Variants in SLC6A12 observed in about 807,000 individuals in gnomAD.
SLC6A12 encodes sodium- and chloride-dependent betaine transporter.
In SLC6A12, 50 loss-of-function variants were observed where a neutral mutation model predicts 73.3. The ratio of observed to expected loss-of-function variants is 0.68; its 90% CI spans 0.54 to 0.86. SLC6A12 has a LOEUF of 0.86. Ranked by LOEUF, SLC6A12 falls within the 40% of genes least tolerant of loss-of-function variation. SLC6A12 has a pLI of 0.00. For synonymous variants in SLC6A12, 304 were observed against 309.2 expected, an observed-to-expected ratio of 0.98 and a Z score of 0.18; for missense variants, 648 against 772.8, an observed-to-expected ratio of 0.84 and a Z score of 1.92.
At chr12:204,770 C>G (rs1168866029) in intron 3 of SLC6A12, 72 bp from the exon 4 acceptor site, 2 of 1,559,846 alleles carry the variant, frequency 1.3e-6, no homozygotes, top group Non-Finnish European at 1.7e-6. Flanking sequence ...TCAGACCCTC[C>G]TCCCCCAACA....
intron 11 of SLC6A12, 85 bp from the exon 12 acceptor site, chr12:196,346 C>G (rs1939865107): frequency 6.7e-7 from 1 of 1,483,642 alleles, no homozygotes. Context: ...CCTGGCTCAT[C>G]CACACTGATG....
In SLC6A12 at chr12:198,908, A is replaced by C; in HGVS notation, c.735T>G (p.Phe245Leu). 6.2e-7 allele frequency: 1 copy of C among 1,614,206 alleles called. No individual in the cohort carries two copies. Among genetic ancestry groups the C allele is most frequent in the Non-Finnish European group, 8.5e-7 (1 of 1,180,018 alleles). The change falls in exon 8 of 16, where the codon TTT becomes TTG. Residue 245 changes from phenylalanine (F) to leucine (L), a missense_variant. By Grantham distance (22) the Phe-to-Leu change is conservative. Coordinates refer to ENST00000684302, the MANE Select transcript of SLC6A12 (RefSeq NM_001122848.3). This position sits in a 1 kb window ranked among gnomAD's most constrained non-coding sequence, Gnocchi z 4.0. ...GCAAAATGACAAGCATCAGGTACGG[A>C]AACGTGGCTGTGAAATAAACCACCT... Reference protein sequence around the residue: ...TGKVVYFTATFPYLMLVILLI... With the variant: ...TGKVVYFTATLPYLMLVILLI...
downstream of SLC6A12, among the ~76,000 whole-genome samples, chr12:186,363 C>T (rs981159324): frequency 2.0e-5 from 3 of 152,192 alleles, no homozygotes; most frequent in Non-Finnish European, 4.4e-5. Context: ...GAACTGCAAG[C>T]AATTGGATCC....
chr12:197,947 G>A lies in SLC6A12; in HGVS notation c.903C>T (p.Cys301=). The A allele has an allele frequency of 6.2e-7, 1 of 1,613,488 alleles. No homozygotes were observed. The highest frequency in any genetic ancestry group is 8.5e-7 in the Non-Finnish European group (1 of 1,179,816). ...IFFSFAICQG[C]LTALGSYNKY... is the part of the protein sequence containing the mutation. ...TGTTGTAGCTGCCCAGGGCTGTCAGGCACCCCTGGCAGATGGCAAAGGAGA... is the reference window on the plus strand; with the variant it reads ...TGTTGTAGCTGCCCAGGGCTGTCAGACACCCCTGGCAGATGGCAAAGGAGA... Residue 301 remains cysteine (C), a synonymous_variant, in exon 9 of 16, where the codon TGC becomes TGT. Transcript: ENST00000684302.
intron 11 of SLC6A12, 86 bp downstream of exon 11, chr12:196,684 G>A (rs572360251): frequency 1.1e-6 from 1 of 920,164 alleles, no homozygotes; most frequent in South Asian, 1.4e-5. Flanking sequence ...TCAGGGGAGT[G>A]GGAGTGAGGG....
downstream of SLC6A12, among the ~76,000 whole-genome samples, chr12:187,418 G>C (rs1214418547): frequency 6.6e-6 from 1 of 151,742 alleles, no homozygotes; most frequent in Non-Finnish European, 1.5e-5. Flanking sequence ...CCTTCGCGAT[G>C]AGTGCTACAA....
Position 198,026 on chromosome 12 carries a change from G to A in SLC6A12, c.847-23C>T, listed in dbSNP as rs1483744837. The stretch of plus-strand genomic sequence containing the variant: ...CACCTACACAAAACCCCAAGAAAGA[G>A]GTAGAGGCAGCCCCCAGGGCCCAGA... On this transcript the variant is annotated intron_variant, in intron 8 of 15. Coordinates refer to ENST00000684302, the MANE Select transcript of SLC6A12 (RefSeq NM_001122848.3). This position sits in a 1 kb window ranked among gnomAD's most constrained non-coding sequence, Gnocchi z 4.0. The A allele has an allele frequency of 6.2e-6, 10 of 1,601,076 alleles. No individual in the cohort carries two copies. The highest frequency in any genetic ancestry group is 6.8e-6 in the Non-Finnish European group (8 of 1,168,670).
At chr12:200,227 G>T (rs189816529) in intron 7 of SLC6A12, among the ~76,000 whole-genome samples, 1 of 148,246 alleles carries the variant, frequency 6.7e-6, no homozygotes, top group Admixed American at 6.9e-5. Context: ...TCCTGCCTCA[G>T]CCTCCTGCAT....
intron 9 of SLC6A12, 22 bp downstream of exon 9, chr12:197,877 AC>A: frequency 1.1e-6 from 1 of 909,092 alleles, no homozygotes. Flanking sequence ...CCTTCACCCC[AC>A]CCCGGCCCAC....
At chr12:206,607 G>C (rs749074438) in intron 3 of SLC6A12, among the ~76,000 whole-genome samples, 1 of 152,260 alleles carries the variant, frequency 6.6e-6, no homozygotes, top group Non-Finnish European at 1.5e-5. Flanking sequence ...GAAGGAAAAA[G>C]GTTGTCTTCT....
At chr12:210,451 T>G in intron 2 of SLC6A12, 1 of 1,013,834 alleles carries the variant, frequency 9.9e-7, no homozygotes, top group Non-Finnish European at 1.2e-6. Flanking sequence ...CCTGCCGAGG[T>G]AGCAAGGGTC....
downstream of SLC6A12, among the ~76,000 whole-genome samples, chr12:187,638 A>C (rs1407100663): frequency 7.2e-5 from 9 of 124,888 alleles, no homozygotes; most frequent in African/African-American, 1.2e-4. Context: ...AAAACAAACC[A>C]CACACACAGC....
Position 196,803 on chromosome 12 carries a change from A to G in SLC6A12, c.1155T>C (p.Phe385=). The change falls in exon 11 of 16, where the codon TTT becomes TTC. Residue 385 remains phenylalanine, a synonymous_variant. Transcript: ENST00000684302. ...CCAGCCCTAGGAATATGAGCATGAT[A>G]AAGAACAGGCAGGACCACAGCTGGG... ...PLSQLWSCLF[F]IMLIFLGLDS... is the part of the protein sequence containing the mutation. 1.2e-6 allele frequency: 2 copies of G among 1,613,756 alleles called. No individual in the cohort carries two copies. Among genetic ancestry groups the G allele is most frequent in the Non-Finnish European group, 8.5e-7 (1 of 1,179,754 alleles).
intron 6 of SLC6A12, chr12:201,195 A>G: frequency 5.2e-6 from 1 of 192,342 alleles, no homozygotes; most frequent in South Asian, 1.2e-4. Flanking sequence ...CAGTACTGTG[A>G]GGGCATTCAG....
chr12:200,862 C>G, intron 6 of SLC6A12, 79 bp from the exon 7 acceptor site: 1 of 1,463,900 alleles, frequency 6.8e-7, no homozygotes, highest in South Asian at 1.2e-5. Flanking sequence ...TCTCCTGATT[C>G]TCAGAGCTGA....
At chr12:199,133 T>A in intron 7 of SLC6A12, 3 of 305,414 alleles carry the variant, frequency 9.8e-6, no homozygotes, top group Non-Finnish European at 1.3e-5. Flanking sequence ...GAGATACACA[T>A]CAGCAGGGGG....
chr12:205,878 CTA>C (rs1242483192), intron 3 of SLC6A12, among the ~76,000 whole-genome samples: 1 of 152,224 alleles, frequency 6.6e-6, no homozygotes, highest in African/African-American at 2.4e-5. Context: ...GTGTTCCACT[CTA>C]TGTATCTATC....
At chr12:199,766 A>C (rs1940113244) in intron 7 of SLC6A12, 1 of 152,092 alleles carries the variant, frequency 6.6e-6, no homozygotes, top group Non-Finnish European at 1.5e-5. Flanking sequence ...AATAATGCTC[A>C]AATCTGAATT....
In SLC6A12 at chr12:192,895, C is replaced by T. The variant is rs12816769; in HGVS notation, c.1531-247G>A. On this transcript the variant is annotated intron_variant, in intron 14 of 15. Coordinates refer to ENST00000684302, the MANE Select transcript of SLC6A12 (RefSeq NM_001122848.3). ...TCACATCACAGACGGAGACAGGAGGCGATACAAAGGAAGGGAGGGGCTCGG... is the reference window on the plus strand; with the variant it reads ...TCACATCACAGACGGAGACAGGAGGTGATACAAAGGAAGGGAGGGGCTCGG... 76 of 150,854 alleles carry T rather than the reference C, an allele frequency of 5.0e-4. 4 individuals carry two copies. The highest frequency in any genetic ancestry group is 1.4e-3 in the Admixed American group (8 of 5,650). The allele number at this position is 150,854 out of a possible 1,614,324, so 9.3% of individuals were successfully genotyped here.
Sources: allele counts gnomAD v4.1 joint callset (sites outside exome capture counted in the v4.1 genomes callset), GRCh38; gene constraint gnomAD v4.1.1; non-coding constraint Gnocchi (gnomAD v3.1); transcripts MANE v1.5; gene names NCBI Gene and HGNC (gene_info 2026-07-23, HGNC 2026-07-21).